Variants in PDE12 observed in about 807,000 individuals in gnomAD.
PDE12 encodes 2',5'-phosphodiesterase 12.
A neutral mutation model predicts 45.4 loss-of-function variants in PDE12; 26 were observed. That is an observed-to-expected ratio of 0.57 (90% confidence interval 0.42 to 0.79). PDE12 has a LOEUF of 0.79. Ranked by LOEUF, PDE12 falls within the 30% of genes least tolerant of loss-of-function variation. The probability of loss-of-function intolerance (pLI) is 0.00; values close to 1 mark genes in which losing one functional copy is unlikely to be tolerated. For missense variants in PDE12, 668 were observed against 790.0 expected (o/e 0.85, Z 1.85); for synonymous variants, 283 against 323.9 (o/e 0.87, Z 1.36).
the PDE12 span, among the ~76,000 whole-genome samples, chr3:57,594,116 C>T: frequency 6.6e-6 from 1 of 151,954 alleles, no homozygotes; most frequent in Non-Finnish European, 1.5e-5. Context: ...ATTAGCTGGG[C>T]TTGGTGGCGG....
Position 57,559,994 on chromosome 3 carries a change from A to C in PDE12, c.1820A>C (p.Lys607Thr). 1 of 1,602,650 alleles carries C rather than the reference A, an allele frequency of 6.2e-7. No homozygotes were observed. Among genetic ancestry groups the C allele is most frequent in the Non-Finnish European group, 8.5e-7 (1 of 1,176,400 alleles). The change falls in exon 3 of 3, where the codon AAA (lysine) becomes ACA (threonine). Residue 607 changes from lysine (K) to threonine (T), a missense_variant. Transcript: ENST00000311180. ...SDHIALVCDL[K>T]WK Reference sequence around the variant, plus strand: ...CACATAGCACTTGTATGTGATTTAAAATGGAAATAGATGTGTGTTTAATGG... The same window carrying C: ...CACATAGCACTTGTATGTGATTTAACATGGAAATAGATGTGTGTTTAATGG...
rs1476007118 is a variant in PDE12, at chr3:57,563,096, A to G, written c.*3092A>G. ...AACTAGTTTGGTTGGGATAAATCCAATATTTATATATAATGAAAAATAAAA... is the reference window on the plus strand; with the variant it reads ...AACTAGTTTGGTTGGGATAAATCCAGTATTTATATATAATGAAAAATAAAA... On this transcript the variant is annotated 3_prime_UTR_variant, in exon 3 of 3. Transcript: ENST00000311180. The G allele has an allele frequency of 3.3e-5, 5 of 152,216 alleles. No individual in the cohort carries two copies. The highest frequency in any genetic ancestry group is 3.3e-4 in the Admixed American group (5 of 15,270). 9.4% of individuals were successfully genotyped at this position (152,216 alleles called of 1,614,324 possible).
At chr3:57,628,074 C>T in the PDE12 span, 1 of 1,251,234 alleles carries the variant, frequency 8.0e-7, no homozygotes, top group East Asian at 2.5e-5. Context: ...TTATACAATA[C>T]AGTCTTTCTA....
At chr3:57,631,444 T>A in the PDE12 span, among the ~76,000 whole-genome samples, 19 of 152,274 alleles carry the variant, frequency 1.2e-4, no homozygotes, top group Admixed American at 1.3e-4. Flanking sequence ...TCCACCTGCC[T>A]CAGCCTCCCA....
the PDE12 span, among the ~76,000 whole-genome samples, chr3:57,637,152 A>G: frequency 6.6e-6 from 1 of 152,154 alleles, no homozygotes; most frequent in Non-Finnish European, 1.5e-5. Context: ...ATAAGAGTTT[A>G]TTTATGATGC....
chr3:57,596,002 G>A, the PDE12 span, among the ~76,000 whole-genome samples: 1 of 151,726 alleles, frequency 6.6e-6, no homozygotes, highest in Non-Finnish European at 1.5e-5. Flanking sequence ...TAGAAAACAA[G>A]CTAATGAACC....
In PDE12 at chr3:57,557,079, G is replaced by A. The variant is rs765829786; in HGVS notation, c.700G>A (p.Val234Ile). 13 of 1,613,862 alleles carry A rather than the reference G, an allele frequency of 8.1e-6. No homozygotes were observed. The highest frequency in any genetic ancestry group is 1.0e-5 in the Non-Finnish European group (12 of 1,180,016). The part of the protein sequence containing the change: ...SWTETDVEER[V>I]YTPSNADIGL... ...GACTGAGACTGATGTGGAGGAGCGTGTCTACACCCCGTCCAATGCCGACAT... is the reference window on the plus strand; with the variant it reads ...GACTGAGACTGATGTGGAGGAGCGTATCTACACCCCGTCCAATGCCGACAT... The change falls in exon 1 of 3, where the codon GTC becomes ATC. Residue 234 changes from valine (V) to isoleucine (I), a missense_variant. Coordinates refer to ENST00000311180, the MANE Select transcript of PDE12 (RefSeq NM_177966.7).
At chr3:57,572,415 C>G in the PDE12 span, 1 of 730,700 alleles carries the variant, frequency 1.4e-6, no homozygotes, top group Non-Finnish European at 2.2e-6. Context: ...TCACAAAACT[C>G]TCCCATATTT....
At chr3:57,612,789 C>A in the PDE12 span, among the ~76,000 whole-genome samples, 1 of 146,474 alleles carries the variant, frequency 6.8e-6, no homozygotes, top group African/African-American at 2.5e-5. Context: ...AAAAAAAATT[C>A]TATTAATTTG....
At chr3:57,630,835 G>A in the PDE12 span, 11 of 1,611,288 alleles carry the variant, frequency 6.8e-6, no homozygotes, top group South Asian at 1.1e-5. Context: ...CTAGAAAACA[G>A]GACATATAAT....
At chr3:57,614,387 T>A in the PDE12 span, among the ~76,000 whole-genome samples, 2 of 152,146 alleles carry the variant, frequency 1.3e-5, no homozygotes, top group Non-Finnish European at 2.9e-5. Context: ...CTTTAGTTTG[T>A]GTTTTTAGAA....
At position 57,560,998 on chromosome 3, in the gene PDE12, AT is replaced by A. The variant is rs1575773706; in HGVS notation, c.*998del. The A allele has an allele frequency of 1.0e-6, 1 of 976,428 alleles. No homozygotes were observed. Among genetic ancestry groups the A allele is most frequent in the Non-Finnish European group, 1.2e-6 (1 of 821,604 alleles). 60.5% of individuals were successfully genotyped at this position (976,428 alleles called of 1,614,324 possible). A position where few individuals can be genotyped will look rare whatever the true frequency, so the allele number is the denominator to read the frequency against. Reference sequence around the variant, plus strand: ...AGGTATTTTCATTCTTATTTTTAGGATTTTAGTTTTTAGTGTATGGTACAAA... The same window carrying A: ...AGGTATTTTCATTCTTATTTTTAGGATTTAGTTTTTAGTGTATGGTACAAA... On this transcript the variant is annotated 3_prime_UTR_variant, in exon 3 of 3. Transcript: ENST00000311180.
the PDE12 span, among the ~76,000 whole-genome samples, chr3:57,594,986 A>G: frequency 3.3e-5 from 5 of 152,208 alleles, no homozygotes; most frequent in Non-Finnish European, 7.4e-5. Context: ...TAGTCAAGGA[A>G]AACTGATTAT....
chr3:57,586,846 T>A, the PDE12 span, among the ~76,000 whole-genome samples: 6 of 152,134 alleles, frequency 3.9e-5, no homozygotes, highest in African/African-American at 1.4e-4. Context: ...AGCTGTCTCT[T>A]GAAAGCATCA....
chr3:57,573,082 G>A, the PDE12 span, among the ~76,000 whole-genome samples: 254 of 151,594 alleles, frequency 1.7e-3, no homozygotes, highest in African/African-American at 6.0e-3. Flanking sequence ...GGCGCCTGTA[G>A]TCCCAGCTAC....
chr3:57,624,425 C>T, the PDE12 span, among the ~76,000 whole-genome samples: 1 of 152,110 alleles, frequency 6.6e-6, no homozygotes, highest in Non-Finnish European at 1.5e-5. Flanking sequence ...GCTGGGATTA[C>T]AGGCGTGAGC....
chr3:57,583,750 A>G, the PDE12 span: 1 of 647,268 alleles, frequency 1.5e-6, no homozygotes, highest in Non-Finnish European at 2.7e-6. Flanking sequence ...GGCCTAAGTG[A>G]GAGTCCACTG....
chr3:57,582,335 C>T, the PDE12 span, among the ~76,000 whole-genome samples: 10 of 150,096 alleles, frequency 6.7e-5, no homozygotes, highest in East Asian at 2.0e-4. Context: ...CTCCACCTCC[C>T]GGGTTCAAGT....
At chr3:57,641,769 A>G in the PDE12 span, 7 of 1,580,796 alleles carry the variant, frequency 4.4e-6, no homozygotes, top group Non-Finnish European at 6.0e-6. Flanking sequence ...AAAACAAAAC[A>G]AAATAAAAAA....
Sources: gnomAD v4.1 joint callset for allele counts (sites outside exome capture counted in the v4.1 genomes callset) on GRCh38, gnomAD v4.1.1 for gene constraint, MANE v1.5 for transcripts, NCBI Gene and HGNC (gene_info 2026-07-23, HGNC 2026-07-21) for gene names.